EFCAB13: variants seen among roughly 807,000 people sequenced by gnomAD.
EFCAB13 encodes the protein EF-hand calcium-binding domain-containing protein 13.
Under a neutral mutation model 110.2 loss-of-function variants are expected in EFCAB13, and 91 were observed. The observed-to-expected ratio is 0.83, with a 90% CI of 0.70 to 0.98. The LOEUF (loss-of-function observed/expected upper bound fraction) is 0.98. Among genes scored for constraint, EFCAB13 ranks in the 50% least tolerant of loss-of-function variants. EFCAB13 has a pLI of 0.00. For synonymous variants in EFCAB13, 323 were observed against 369.9 expected (o/e 0.87, Z 1.45); for missense variants, 968 against 1,119.4 (o/e 0.86, Z 1.93).
At chr17:47,363,443 A>G (rs2065527683) in intron 10 of EFCAB13, among the ~76,000 whole-genome samples, 1 of 151,894 alleles carries the variant, frequency 6.6e-6, no homozygotes, top group African/African-American at 2.4e-5. Context: ...GGTGATGCAA[A>G]GATGAATAAA....
intron 11 of EFCAB13, among the ~76,000 whole-genome samples, chr17:47,370,738 G>GTT (rs764924546): frequency 4.7e-5 from 6 of 127,198 alleles, no homozygotes; most frequent in East Asian, 2.4e-4. Context: ...GTTGTTGTTT[G>GTT]TTTTTTTTTT....
Position 47,361,465 on chromosome 17 carries a change from G to T in EFCAB13, c.749G>T (p.Gly250Val). Residue 250 changes from glycine (G) to valine (V), a missense_variant, in exon 10 of 25, where the codon GGT becomes GTT. Physicochemically the swap from Gly to Val is moderately radical, Grantham distance 109. Coordinates refer to ENST00000331493, the MANE Select transcript of EFCAB13 (RefSeq NM_152347.5). ...DDVFAVLDSM[G>V]IPINREILEE... ...GTGTTTGCTGTTTTGGATAGCATGG[G>T]TATCCCTATAAACCGTGAAATTTTA... 1.2e-6 allele frequency: 2 copies of T among 1,613,072 alleles called. No homozygotes were observed. The highest frequency in any genetic ancestry group is 1.3e-5 in the African/African-American group (1 of 74,966).
In EFCAB13 at chr17:47,425,935, TAA is replaced by T. The variant is rs1370892931; in HGVS notation, c.2495-3882_2495-3881del. Among the ~76,000 whole-genome samples, 7 of 152,318 alleles carry T rather than the reference TAA, an allele frequency of 4.6e-5. No individual in the cohort carries two copies. In the East Asian group the frequency reaches 1.3e-3, roughly 29 times the overall value. On this transcript the variant is annotated intron_variant, in intron 23 of 24. Transcript: ENST00000331493. ...ACTTGCAAGCAAAGAAGGAAACTCT[TAA>T]GAGAGAGCGAGCACAATGTATCAAA...
At chr17:47,379,971 A>C (rs1211580191) in intron 14 of EFCAB13, among the ~76,000 whole-genome samples, 1 of 152,182 alleles carries the variant, frequency 6.6e-6, no homozygotes, top group East Asian at 1.9e-4. Flanking sequence ...CTACATTATC[A>C]TTTGTCATTT....
At chr17:47,381,252 A>C (rs936663614) in intron 14 of EFCAB13, among the ~76,000 whole-genome samples, 3 of 152,216 alleles carry the variant, frequency 2.0e-5, no homozygotes, top group East Asian at 3.9e-4. Flanking sequence ...TCTGAATATC[A>C]GCCCTTTGTC....
At chr17:47,355,773 A>G (rs1446507014) in intron 9 of EFCAB13, among the ~76,000 whole-genome samples, 2 of 151,980 alleles carry the variant, frequency 1.3e-5, no homozygotes, top group Admixed American at 6.6e-5. Flanking sequence ...GGGTTTCACC[A>G]GGTTGGCCAG....
chr17:47,427,847 T>G (rs1214260503), intron 23 of EFCAB13, among the ~76,000 whole-genome samples: 1 of 152,098 alleles, frequency 6.6e-6, no homozygotes. Flanking sequence ...ATAGACCTAT[T>G]ACTTTTTCCC....
At chr17:47,392,443 GAT>G (rs1478953132) in intron 15 of EFCAB13, among the ~76,000 whole-genome samples, 1 of 152,002 alleles carries the variant, frequency 6.6e-6, no homozygotes, top group African/African-American at 2.4e-5. Context: ...CATTTGTGGA[GAT>G]ATGTGTGTGT....
intron 23 of EFCAB13, among the ~76,000 whole-genome samples, chr17:47,420,438 T>A (rs934953758): frequency 4.8e-5 from 4 of 83,226 alleles, no homozygotes; most frequent in Non-Finnish European, 1.0e-4. Flanking sequence ...CCCCTCTGCC[T>A]GGCTGCCCAG....
At chr17:47,438,448 G>GT (rs929979711) in intron 24 of EFCAB13, among the ~76,000 whole-genome samples, 110 of 149,470 alleles carry the variant, frequency 7.4e-4, no homozygotes, top group African/African-American at 2.5e-3. Context: ...AGATTTGGTT[G>GT]TTTAACATAA....
chr17:47,354,669 A>T (rs2065470577), intron 9 of EFCAB13, among the ~76,000 whole-genome samples: 1 of 152,070 alleles, frequency 6.6e-6, no homozygotes, highest in African/African-American at 2.4e-5. Context: ...GTTTTGTCTG[A>T]TACAAGAATA....
At chr17:47,401,660 T>TG (rs1216345682) in intron 17 of EFCAB13, among the ~76,000 whole-genome samples, 1 of 148,850 alleles carries the variant, frequency 6.7e-6, no homozygotes, top group African/African-American at 2.5e-5. Flanking sequence ...TTTTTTTTTT[T>TG]TTGAGATGGC....
chr17:47,359,517 G>GTTTT (rs71141905), intron 9 of EFCAB13, among the ~76,000 whole-genome samples: 2 of 127,210 alleles, frequency 1.6e-5, no homozygotes, highest in Non-Finnish European at 3.3e-5. Flanking sequence ...TGGGAATTGT[G>GTTTT]TTTTTTTTTT....
At chr17:47,394,505 C>A (rs1372999651) in intron 16 of EFCAB13, among the ~76,000 whole-genome samples, 2 of 152,068 alleles carry the variant, frequency 1.3e-5, no homozygotes, top group Admixed American at 1.3e-4. Flanking sequence ...TATTCAGTAA[C>A]ATTTATGAAC....
chr17:47,383,020 A>T (rs2065655736), intron 14 of EFCAB13, among the ~76,000 whole-genome samples: 1 of 152,184 alleles, frequency 6.6e-6, no homozygotes. Flanking sequence ...GGGAGGGTGT[A>T]TGTGTCCAGG....
At chr17:47,435,023 A>G (rs1905186790) in intron 24 of EFCAB13, among the ~76,000 whole-genome samples, 3 of 152,124 alleles carry the variant, frequency 2.0e-5, no homozygotes, top group Admixed American at 2.0e-4. Context: ...TGCAACCAAA[A>G]CAAAAATAAA....
At position 47,374,955 on chromosome 17, in the gene EFCAB13, T is replaced by C. The variant is rs1219503535; in HGVS notation, c.1361T>C (p.Ile454Thr). The C allele has an allele frequency of 6.4e-7, 1 of 1,572,388 alleles. No homozygotes were observed. The highest frequency in any genetic ancestry group is 8.6e-7 in the Non-Finnish European group (1 of 1,165,964). Residue 454 changes from isoleucine to threonine, a missense_variant, in exon 12 of 25, where the codon ATT becomes ACT. Coordinates refer to ENST00000331493, the MANE Select transcript of EFCAB13 (RefSeq NM_152347.5). ...KQVSSTEKTA[I>T]STLENFCEAI... ...GTTTCGTCTACGGAAAAAACTGCAATTAGTACTCTGGGTAAGTAAAAATCT... is the reference window on the plus strand; with the variant it reads ...GTTTCGTCTACGGAAAAAACTGCAACTAGTACTCTGGGTAAGTAAAAATCT...
chr17:47,336,377 C>T (rs974551548), intron 5 of EFCAB13, among the ~76,000 whole-genome samples: 43 of 151,286 alleles, frequency 2.8e-4, no homozygotes, highest in Non-Finnish European at 2.2e-4. Context: ...CTGCAAGCTG[C>T]GCCTCCTGGG....
intron 17 of EFCAB13, among the ~76,000 whole-genome samples, chr17:47,396,255 C>A (rs2065737515): frequency 6.6e-6 from 1 of 151,602 alleles, no homozygotes; most frequent in South Asian, 2.1e-4. Flanking sequence ...ATGGCATATC[C>A]CAATGAACAC....
Sources: gnomAD v4.1 joint callset for allele counts (sites outside exome capture counted in the v4.1 genomes callset) on GRCh38, gnomAD v4.1.1 for gene constraint, MANE v1.5 for transcripts, NCBI Gene and HGNC (gene_info 2026-07-23, HGNC 2026-07-21) for gene names.